The following C6 variants were observed in gnomAD, a reference collection of about 807,000 sequenced individuals.
C6 encodes the protein complement C6, also known as complement component C6.
A neutral mutation model predicts 112.9 loss-of-function variants in C6; 101 were observed. That is an observed-to-expected ratio of 0.89 (90% confidence interval 0.76 to 1.06). C6 has a LOEUF of 1.06. C6 is among the 50% of genes least tolerant of loss of function. The probability of loss-of-function intolerance (pLI) is 0.00; values close to 1 mark genes in which losing one functional copy is unlikely to be tolerated. For missense variants in C6, 1,202 were observed against 1,104.6 expected, an observed-to-expected ratio of 1.09 and a Z score of -1.25; for synonymous variants, 431 against 384.1, an observed-to-expected ratio of 1.12 and a Z score of -1.43.
intron 17 of C6, among the ~76,000 whole-genome samples, chr5:41,146,767 G>A (rs190029299): frequency 1.8e-4 from 27 of 151,712 alleles, no homozygotes; most frequent in Non-Finnish European, 3.7e-4. Flanking sequence ...TTAAAACAAA[G>A]TTAAACACCT....
At chr5:41,152,828 C>A (rs998938007) in intron 15 of C6, 9 of 152,198 alleles carry the variant, frequency 5.9e-5, no homozygotes, top group African/African-American at 2.2e-4. Flanking sequence ...ATTCAGCTTT[C>A]AAGTGGCACA....
chr5:41,152,294 G>C (rs1031129669), intron 15 of C6, among the ~76,000 whole-genome samples: 7 of 151,724 alleles, frequency 4.6e-5, no homozygotes, highest in Admixed American at 3.9e-4. Flanking sequence ...GAAAATAGAG[G>C]GAGTGACACT....
At chr5:41,245,132 T>C (rs1372072884) in intron 1 of C6, among the ~76,000 whole-genome samples, 1 of 152,234 alleles carries the variant, frequency 6.6e-6, no homozygotes, top group African/African-American at 2.4e-5. Context: ...TTGTCTCATG[T>C]TGGTATCACA....
intron 15 of C6, chr5:41,152,770 T>G (rs1311224758): frequency 6.6e-6 from 1 of 152,210 alleles, no homozygotes; most frequent in Non-Finnish European, 1.5e-5. Flanking sequence ...CCTTTGTAAT[T>G]AGGCCTGGGA....
chr5:41,157,782 T>C (rs1747058818), intron 13 of C6, among the ~76,000 whole-genome samples: 1 of 152,204 alleles, frequency 6.6e-6, no homozygotes, highest in Non-Finnish European at 1.5e-5. Context: ...CCAGGTCCTT[T>C]GGCGCATTGT....
chr5:41,228,351 A>G (rs762084199), intron 1 of C6, among the ~76,000 whole-genome samples: 30 of 152,106 alleles, frequency 2.0e-4, no homozygotes, highest in Non-Finnish European at 3.8e-4. Context: ...GGTTCTAATA[A>G]TATTTTAAGT....
At chr5:41,159,037 GAGTT>G in intron 12 of C6, 41 bp downstream of exon 12, 1 of 1,599,064 alleles carries the variant, frequency 6.3e-7, no homozygotes, top group Non-Finnish European at 8.6e-7. Flanking sequence ...ATGTTATTGA[GAGTT>G]AGGGCAAAAT....
chr5:41,257,107 G>T (rs779874718), intron 1 of C6, among the ~76,000 whole-genome samples: 4 of 151,642 alleles, frequency 2.6e-5, no homozygotes, highest in Admixed American at 6.6e-5. Context: ...ACGGGGGTTC[G>T]GTGTACAGAT....
Position 41,184,697 on chromosome 5 carries a change from C to A in C6, c.726+1373G>T, listed in dbSNP as rs573613862. ...ATGTTGCCCAGACTGGTCTTGAACT[C>A]CTGACACCCAAGTGATCTGCACCCC... On this transcript the variant is annotated intron_variant, in intron 6 of 17. Transcript: ENST00000337836. Among the ~76,000 whole-genome samples, 37 of 152,180 alleles carry A rather than the reference C, an allele frequency of 2.4e-4. No individual in the cohort carries two copies. In the South Asian group the frequency reaches 6.4e-3, roughly 26 times the overall value.
At chr5:41,209,155 C>A (rs376371781) in intron 1 of C6, among the ~76,000 whole-genome samples, 3 of 152,022 alleles carry the variant, frequency 2.0e-5, no homozygotes, top group African/African-American at 4.8e-5. Flanking sequence ...AAAAGGCCTT[C>A]GACAAAATTC....
At chr5:41,247,233 AAAG>A (rs1337800281) in intron 1 of C6, among the ~76,000 whole-genome samples, 5 of 152,176 alleles carry the variant, frequency 3.3e-5, no homozygotes, top group African/African-American at 1.2e-4. Context: ...CCAAATAGGA[AAAG>A]AAGAAGTCAA....
In C6 at chr5:41,154,997, C is replaced by A. The variant is rs766344047; in HGVS notation, c.2076G>T (p.Trp692Cys). 1.2e-6 allele frequency: 2 copies of A among 1,613,824 alleles called. No homozygotes were observed. Among genetic ancestry groups the A allele is most frequent in the South Asian group, 1.1e-5 (1 of 91,084 alleles). Residue 692 changes from tryptophan to cysteine, a missense_variant, in exon 14 of 18, where the codon TGG (tryptophan) becomes TGT (cysteine). By Grantham distance (215) the Trp-to-Cys change is radical. Transcript: ENST00000337836. ...GTTGGCATTCCACATCCCCTTGTCT[C>A]CAGGTCCCGTCTGGTAAGCATCTGA... The part of the protein sequence containing the change: ...QYFRCLPDGT[W>C]RQGDVECQRT...
intron 3 of C6, 126 bp from the exon 4 acceptor site, chr5:41,200,038 A>G (rs949721630): frequency 1.2e-6 from 1 of 846,980 alleles, no homozygotes; most frequent in Non-Finnish European, 1.9e-6. Context: ...TATTTTTACT[A>G]ATGATTCTTC....
rs1397940550 is a variant in C6 at position 41,142,248 on chromosome 5, CTGTT to C, written c.*573_*576del. 1 of 155,014 alleles carries C rather than the reference CTGTT, an allele frequency of 6.5e-6. No homozygotes were observed. Among genetic ancestry groups the C allele is most frequent in the African/African-American group, 2.4e-5 (1 of 41,440 alleles). 9.6% of individuals were successfully genotyped at this position (155,014 alleles called of 1,614,324 possible). On this transcript the variant is annotated 3_prime_UTR_variant, in exon 18 of 18. Coordinates refer to ENST00000337836, the MANE Select transcript of C6 (RefSeq NM_000065.5). ...CCATCAAACATGCTACATATTTTACCTGTTTATTTCATTTTTTGTGTGTCTACCC... is the reference window on the plus strand; with the variant it reads ...CCATCAAACATGCTACATATTTTACCTATTTCATTTTTTGTGTGTCTACCC...
At chr5:41,159,865 C>T (rs144992248) in intron 11 of C6, among the ~76,000 whole-genome samples, 20 of 152,068 alleles carry the variant, frequency 1.3e-4, no homozygotes, top group South Asian at 4.1e-4. Context: ...TATATAAATA[C>T]GCATATAATA....
chr5:41,241,707 C>A (rs898400282), intron 1 of C6, among the ~76,000 whole-genome samples: 1 of 152,104 alleles, frequency 6.6e-6, no homozygotes, highest in African/African-American at 2.4e-5. Context: ...ACAGAAGAGA[C>A]ATTAACTAGA....
chr5:41,203,978 G>T (rs531843347), intron 1 of C6, among the ~76,000 whole-genome samples: 8 of 152,222 alleles, frequency 5.3e-5, no homozygotes, highest in African/African-American at 1.4e-4. Flanking sequence ...CACCACTCAG[G>T]CCACAACAGG....
chr5:41,248,325 G>A (rs745490469), intron 1 of C6, among the ~76,000 whole-genome samples: 5 of 152,110 alleles, frequency 3.3e-5, no homozygotes, highest in Admixed American at 6.5e-5. Flanking sequence ...TGACAAGTGG[G>A]ACTTAATTAA....
intron 1 of C6, among the ~76,000 whole-genome samples, chr5:41,210,488 C>G (rs1312470750): frequency 6.6e-6 from 1 of 152,086 alleles, no homozygotes; most frequent in South Asian, 2.1e-4. Flanking sequence ...GGCTAATATC[C>G]AGAATCTACA....
Sources: gnomAD v4.1 joint callset for allele counts (sites outside exome capture counted in the v4.1 genomes callset) on GRCh38, gnomAD v4.1.1 for gene constraint, MANE v1.5 for transcripts, NCBI Gene and HGNC (gene_info 2026-07-23, HGNC 2026-07-21) for gene names.